PTPRM: variants seen among roughly 807,000 people sequenced by gnomAD.
The protein encoded by PTPRM is receptor-type tyrosine-protein phosphatase mu.
PTPRM carries 47 observed loss-of-function variants against 186.7 expected under a neutral mutation model. The observed-to-expected ratio is 0.25, with a 90% CI of 0.20 to 0.32. PTPRM has a LOEUF of 0.32. Ranked by LOEUF, PTPRM falls within the 10% of genes least tolerant of loss-of-function variation. The pLI is 1.00. For synonymous variants in PTPRM, 668 were observed against 674.9 expected (o/e 0.99, Z 0.16); for missense variants, 1,494 against 1,865.0 (o/e 0.80, Z 3.66).
intron 1 of PTPRM, among the ~76,000 whole-genome samples, chr18:7,670,242 A>G (rs1322134398): frequency 6.6e-6 from 1 of 152,204 alleles, no homozygotes. Context: ...AATTTGGACT[A>G]GCCACGTTTC....
chr18:7,786,594 T>C (rs1163401554), intron 2 of PTPRM, among the ~76,000 whole-genome samples: 1 of 152,234 alleles, frequency 6.6e-6, no homozygotes, highest in Non-Finnish European at 1.5e-5. Flanking sequence ...AAATGAGGTT[T>C]CTGGTAGTCA....
chr18:7,769,514 A>G (rs1393999084), intron 1 of PTPRM, among the ~76,000 whole-genome samples: 2 of 152,134 alleles, frequency 1.3e-5, no homozygotes, highest in Admixed American at 6.5e-5. Flanking sequence ...CTACCCCAAA[A>G]CTCAAAGTGA....
intron 13 of PTPRM, among the ~76,000 whole-genome samples, chr18:8,135,644 G>A (rs1358813143): frequency 6.6e-6 from 1 of 152,102 alleles, no homozygotes; most frequent in Non-Finnish European, 1.5e-5. Context: ...ATTTATTAAA[G>A]CCATTTATTG....
chr18:8,032,937 TA>T (rs577632720), intron 7 of PTPRM, among the ~76,000 whole-genome samples: 1 of 151,778 alleles, frequency 6.6e-6, no homozygotes, highest in Non-Finnish European at 1.5e-5. Context: ...TTGGAAGTAC[TA>T]AAAAAAAGGA....
At chr18:8,179,952 C>T (rs1388834458) in intron 14 of PTPRM, among the ~76,000 whole-genome samples, 2 of 152,164 alleles carry the variant, frequency 1.3e-5, no homozygotes, top group East Asian at 3.8e-4. Flanking sequence ...ATGGTTTGTA[C>T]TACATGTTGC....
intron 14 of PTPRM, among the ~76,000 whole-genome samples, chr18:8,240,827 AAAG>A (rs2094425934): frequency 4.3e-5 from 1 of 23,144 alleles, no homozygotes; most frequent in African/African-American, 2.2e-4. Flanking sequence ...AGAGAGAGAG[AAAG>A]AAAGAAAGAA....
At chr18:7,825,958 A>G (rs189798533) in intron 2 of PTPRM, among the ~76,000 whole-genome samples, 5 of 152,232 alleles carry the variant, frequency 3.3e-5, no homozygotes, top group Admixed American at 3.3e-4. Flanking sequence ...TCCTCACCAT[A>G]TTTATTCCAT....
chr18:8,262,110 T>C (rs2094639007), intron 19 of PTPRM, among the ~76,000 whole-genome samples: 1 of 152,010 alleles, frequency 6.6e-6, no homozygotes, highest in Non-Finnish European at 1.5e-5. Flanking sequence ...CCCCTGCCGC[T>C]CCCTCATTTC....
chr18:8,113,462 T>C lies in PTPRM; in HGVS notation c.1857-24T>C, dbSNP rs1286074942. 3.1e-6 allele frequency: 5 copies of C among 1,603,698 alleles called. No homozygotes were observed. In the South Asian group the frequency reaches 4.4e-5, roughly 14 times the overall value. ...TCAGTTCAGTTATCATAAAATATCA[T>C]TGATGGTACTCTTGTTTTTCTAGTG... On this transcript the variant is annotated intron_variant, in intron 11 of 32. Coordinates refer to ENST00000580170, the MANE Select transcript of PTPRM (RefSeq NM_001105244.2).
chr18:8,351,637 T>A (rs2095534669), intron 23 of PTPRM, among the ~76,000 whole-genome samples: 1 of 152,202 alleles, frequency 6.6e-6, no homozygotes, highest in Non-Finnish European at 1.5e-5. Flanking sequence ...ATTCCTTCAA[T>A]TCTGTAGGTC....
intron 31 of PTPRM, among the ~76,000 whole-genome samples, chr18:8,391,310 G>T (rs2095810756): frequency 3.3e-5 from 5 of 152,150 alleles, no homozygotes; most frequent in Admixed American, 3.3e-4. Context: ...CTTATCACAG[G>T]TTTACTCATA....
chr18:8,090,245 T>A (rs2090640500), intron 11 of PTPRM, among the ~76,000 whole-genome samples: 1 of 152,176 alleles, frequency 6.6e-6, no homozygotes, highest in African/African-American at 2.4e-5. Context: ...AAGCTGAAAT[T>A]TATTAAATGA....
intron 20 of PTPRM, among the ~76,000 whole-genome samples, chr18:8,312,039 G>A (rs1353570762): frequency 1.3e-5 from 2 of 152,174 alleles, no homozygotes; most frequent in Non-Finnish European, 2.9e-5. Context: ...TCGGTTGCCT[G>A]CCTTTTGAAA....
chr18:8,154,078 G>C (rs965835698), intron 14 of PTPRM, among the ~76,000 whole-genome samples: 1 of 152,178 alleles, frequency 6.6e-6, no homozygotes, highest in Non-Finnish European at 1.5e-5. Context: ...CTCTTCCCCA[G>C]GCTCTCTCAG....
rs1020783507 is a variant in PTPRM, at chr18:7,773,671, C to T, written c.74-478C>T. On this transcript the variant is annotated intron_variant, in intron 1 of 32. Transcript: ENST00000580170. ...CATGATCTCGGCTCACTGCAACCTCCGCCTCTTGGGTTCAAGCGATTCTCT... is the reference window on the plus strand; with the variant it reads ...CATGATCTCGGCTCACTGCAACCTCTGCCTCTTGGGTTCAAGCGATTCTCT... 2.6e-5 allele frequency among the ~76,000 whole-genome samples: 4 copies of T among 151,448 alleles called. No homozygotes were observed. In the South Asian group the frequency reaches 6.3e-4, roughly 24 times the overall value.
chr18:7,998,252 A>G lies in PTPRM; in HGVS notation c.1132+42838A>G, dbSNP rs149186966. On this transcript the variant is annotated intron_variant, in intron 7 of 32. Transcript: ENST00000580170. ...AGCAACATGGATGAGCCTGGAGGACATTATGTTAAATTAAACAAGGCAGGC... is the reference window on the plus strand; with the variant it reads ...AGCAACATGGATGAGCCTGGAGGACGTTATGTTAAATTAAACAAGGCAGGC... 4.6e-3 allele frequency among the ~76,000 whole-genome samples: 697 copies of G among 152,034 alleles called. 4 individuals are homozygous for G. Among genetic ancestry groups the G allele is most frequent in the African/African-American group, 0.016 (680 of 41,484 alleles).
At chr18:7,768,183 A>C (rs1451575554) in intron 1 of PTPRM, among the ~76,000 whole-genome samples, 1 of 152,012 alleles carries the variant, frequency 6.6e-6, no homozygotes, top group East Asian at 1.9e-4. Flanking sequence ...ATTGGGCCCA[A>C]CTCCATTTTC....
intron 14 of PTPRM, among the ~76,000 whole-genome samples, chr18:8,194,176 G>A (rs150475424): frequency 2.0e-5 from 3 of 152,218 alleles, no homozygotes; most frequent in African/African-American, 7.2e-5. Flanking sequence ...CTTTAATTTG[G>A]TTCTAAAACT....
intron 7 of PTPRM, among the ~76,000 whole-genome samples, chr18:8,065,470 G>C (rs534373054): frequency 6.6e-6 from 1 of 152,076 alleles, no homozygotes; most frequent in African/African-American, 2.4e-5. Flanking sequence ...AGCTTCCTGC[G>C]TGACAGCCAG....
Sources: allele counts gnomAD v4.1 joint callset (sites outside exome capture counted in the v4.1 genomes callset), GRCh38; gene constraint gnomAD v4.1.1; transcripts MANE v1.5; gene names NCBI Gene and HGNC (gene_info 2026-07-23, HGNC 2026-07-21).